ECHS1: variants seen among roughly 807,000 people sequenced by gnomAD.
ECHS1 encodes the protein enoyl-CoA hydratase, short chain 1, also known as enoyl-CoA hydratase, mitochondrial.
ECHS1 carries 19 observed loss-of-function variants against 33.5 expected under a neutral mutation model. That is an observed-to-expected ratio of 0.57 (90% CI 0.40 to 0.83). ECHS1 has a LOEUF of 0.83. Among genes scored for constraint, ECHS1 ranks in the 40% least tolerant of loss-of-function variants. The pLI is 0.00. For synonymous variants in ECHS1, 158 were observed against 146.6 expected, an observed-to-expected ratio of 1.08 and a Z score of -0.56; for missense variants, 365 against 381.3, an observed-to-expected ratio of 0.96 and a Z score of 0.36.
chr10:133,367,655 G>A (rs3975646), intron 4 of ECHS1, among the ~76,000 whole-genome samples: 4,586 of 149,686 alleles, frequency 0.031, 70 homozygotes, highest in Middle Eastern at 0.038. Context: ...AGGCCTGCCC[G>A]CAGTCATCCG....
At chr10:133,363,190 T>A (rs1207631899) in intron 7 of ECHS1, among the ~76,000 whole-genome samples, 1 of 152,200 alleles carries the variant, frequency 6.6e-6, no homozygotes, top group Non-Finnish European at 1.5e-5. Flanking sequence ...AGCTCACATC[T>A]AAAGAGCCTC....
rs769951272 is a variant in ECHS1 at position 133,370,556 on chromosome 10, G to GT, written c.286+3dup. 1 of 1,556,480 alleles carries GT rather than the reference G, an allele frequency of 6.4e-7. No individual in the cohort carries two copies. The highest frequency in any genetic ancestry group is 1.4e-5 in the African/African-American group (1 of 73,772). On this transcript the variant is annotated splice_donor_region_variant and intron_variant, in intron 2 of 7. Coordinates refer to ENST00000368547, the MANE Select transcript of ECHS1 (RefSeq NM_004092.4). The stretch of plus-strand genomic sequence containing the variant: ...GACACAAAGGCCTCTGCTGCCGCGC[G>GT]TACCTGCAAAGGCCTTATCCCCGCC...
intron 4 of ECHS1, 86 bp downstream of exon 4, chr10:133,368,837 C>T (rs920575601): frequency 3.1e-6 from 4 of 1,277,112 alleles, no homozygotes; most frequent in Non-Finnish European, 4.5e-6. Context: ...GGCCTCTGGT[C>T]AGATATGAGC....
chr10:133,365,416 G>A (rs1455988648), intron 6 of ECHS1, among the ~76,000 whole-genome samples: 2 of 152,370 alleles, frequency 1.3e-5, no homozygotes, highest in East Asian at 3.9e-4. Context: ...CACCTGTCCG[G>A]ACTCAACCAG....
At chr10:133,370,149 G>A in intron 2 of ECHS1, 118 bp from the exon 3 acceptor site, 1 of 1,423,592 alleles carries the variant, frequency 7.0e-7, no homozygotes. Context: ...GGGGTTGCTG[G>A]GCACGGCTGA....
chr10:133,367,243 C>G (rs1446265709), intron 4 of ECHS1, among the ~76,000 whole-genome samples: 2 of 152,080 alleles, frequency 1.3e-5, no homozygotes, highest in African/African-American at 4.8e-5. Flanking sequence ...ACTGAAGGCA[C>G]AAACTGTTTC....
intron 7 of ECHS1, 73 bp from the exon 8 acceptor site, chr10:133,363,006 G>T: frequency 6.4e-7 from 1 of 1,551,508 alleles, no homozygotes; most frequent in Non-Finnish European, 8.9e-7. Context: ...ATGTCCGCCC[G>T]TCTCTCCCTG....
chr10:133,363,054 C>G, intron 7 of ECHS1, 121 bp from the exon 8 acceptor site: 1 of 1,178,090 alleles, frequency 8.5e-7, no homozygotes, highest in Non-Finnish European at 1.2e-6. Context: ...CCCAGGGGGC[C>G]GGGGAGGGGA....
intron 5 of ECHS1, among the ~76,000 whole-genome samples, chr10:133,366,375 T>C (rs1849030496): frequency 6.6e-6 from 1 of 152,246 alleles, no homozygotes; most frequent in Non-Finnish European, 1.5e-5. Flanking sequence ...AACAGGGCAG[T>C]GGGAGGACCG....
intron 3 of ECHS1, 101 bp downstream of exon 3, chr10:133,369,803 G>T (rs1357356240): frequency 2.0e-6 from 3 of 1,476,750 alleles, no homozygotes; most frequent in Non-Finnish European, 2.7e-6. Context: ...TGCTGGCCTG[G>T]GAACTAAAGG....
chr10:133,364,400 G>T (rs1452042008), intron 7 of ECHS1, among the ~76,000 whole-genome samples: 1 of 152,068 alleles, frequency 6.6e-6, no homozygotes, highest in Non-Finnish European at 1.5e-5. Context: ...CTGCTTGAGG[G>T]TGCAATTCAC....
At chr10:133,366,260 T>C (rs571512798) in intron 5 of ECHS1, among the ~76,000 whole-genome samples, 165 bp from the exon 6 acceptor site, 2 of 152,280 alleles carry the variant, frequency 1.3e-5, no homozygotes, top group Non-Finnish European at 2.9e-5. Flanking sequence ...CCTTCCTGAG[T>C]GCTGAGTGAT....
chr10:133,365,844 C>G (rs1341736973), intron 6 of ECHS1, 132 bp downstream of exon 6: 2 of 1,125,792 alleles, frequency 1.8e-6, no homozygotes, highest in East Asian at 4.8e-5. Flanking sequence ...GACAGCAGAA[C>G]TGAGACACTG....
At chr10:133,367,390 A>AT (rs1355234947) in intron 4 of ECHS1, among the ~76,000 whole-genome samples, 1 of 146,694 alleles carries the variant, frequency 6.8e-6, no homozygotes, top group African/African-American at 2.8e-5. Flanking sequence ...TTGTATTACT[A>AT]ATATAACCAA....
chr10:133,362,603 G>T lies in ECHS1; in HGVS notation c.*265C>A. On this transcript the variant is annotated 3_prime_UTR_variant, in exon 8 of 8. Coordinates refer to ENST00000368547, the MANE Select transcript of ECHS1 (RefSeq NM_004092.4). ...CAAGGACCCGCAGGCCCCGCTTTCCGTCCGAGCACAGCATGCCCAGAGGGA... is the reference window on the plus strand; with the variant it reads ...CAAGGACCCGCAGGCCCCGCTTTCCTTCCGAGCACAGCATGCCCAGAGGGA... 1.9e-6 allele frequency: 1 copy of T among 520,154 alleles called. No homozygotes were observed. Among genetic ancestry groups the T allele is most frequent in the South Asian group, 2.2e-5 (1 of 44,928 alleles). 32.2% of individuals were successfully genotyped at this position (520,154 alleles called of 1,614,324 possible).
At chr10:133,363,510 G>A (rs1299908527) in intron 7 of ECHS1, among the ~76,000 whole-genome samples, 1 of 152,246 alleles carries the variant, frequency 6.6e-6, no homozygotes, top group Non-Finnish European at 1.5e-5. Context: ...CTGGCCGGGT[G>A]CAGTGGCTCA....
intron 7 of ECHS1, among the ~76,000 whole-genome samples, chr10:133,364,097 A>ACCACG (rs1849000183): frequency 6.6e-6 from 1 of 151,886 alleles, no homozygotes; most frequent in African/African-American, 2.4e-5. Flanking sequence ...GGCACCTGCC[A>ACCACG]CCACGCCCGG....
At chr10:133,363,003 C>G in intron 7 of ECHS1, 70 bp from the exon 8 acceptor site, 1 of 1,558,140 alleles carries the variant, frequency 6.4e-7, no homozygotes. Flanking sequence ...CCAATGTCCG[C>G]CCGTCTCTCC....
At chr10:133,368,012 G>A (rs1468382011) in intron 4 of ECHS1, among the ~76,000 whole-genome samples, 2 of 152,098 alleles carry the variant, frequency 1.3e-5, no homozygotes, top group African/African-American at 4.8e-5. Context: ...GGCCACTACC[G>A]GTCTCCGCCT....
Sources: allele counts gnomAD v4.1 joint callset (sites outside exome capture counted in the v4.1 genomes callset), GRCh38; gene constraint gnomAD v4.1.1; transcripts MANE v1.5; gene names NCBI Gene and HGNC (gene_info 2026-07-23, HGNC 2026-07-21).